Variants in MLLT3 observed in about 807,000 individuals in gnomAD.
MLLT3 encodes the protein MLLT3 super elongation complex subunit.
Under a neutral mutation model 53.2 loss-of-function variants are expected in MLLT3, and 4 were observed. The observed-to-expected ratio is 0.08, with a 90% confidence interval of 0.04 to 0.17. The LOEUF (loss-of-function observed/expected upper bound fraction) is 0.17. Ranked by LOEUF, MLLT3 falls within the 10% of genes least tolerant of loss-of-function variation. The probability of loss-of-function intolerance (pLI) is 1.00; values close to 1 mark genes in which losing one functional copy is unlikely to be tolerated. For missense variants in MLLT3, 569 were observed against 684.0 expected (o/e 0.83, Z 1.87); for synonymous variants, 283 against 230.6 (o/e 1.23, Z -2.06).
chr9:20,423,715 A>G (rs1040529984), intron 4 of MLLT3, among the ~76,000 whole-genome samples: 1 of 151,746 alleles, frequency 6.6e-6, no homozygotes, highest in Non-Finnish European at 1.5e-5. Flanking sequence ...TCAGGAGGCT[A>G]AGGCGGGTGG....
chr9:20,394,616 G>C (rs1353324308), intron 5 of MLLT3, among the ~76,000 whole-genome samples: 1 of 152,092 alleles, frequency 6.6e-6, no homozygotes, highest in Admixed American at 6.6e-5. Flanking sequence ...GATCTACTCA[G>C]AATATGGAAC....
intron 2 of MLLT3, among the ~76,000 whole-genome samples, chr9:20,522,887 AG>A (rs1563799963): frequency 6.6e-6 from 1 of 152,092 alleles, no homozygotes; most frequent in African/African-American, 2.4e-5. Context: ...TCTGAGCTAA[AG>A]GAAGTCGAGG....
chr9:20,365,097 T>C (rs1821416988), intron 6 of MLLT3, among the ~76,000 whole-genome samples: 1 of 152,238 alleles, frequency 6.6e-6, no homozygotes, highest in African/African-American at 2.4e-5. Context: ...CTTTTGCTAT[T>C]GTATTTCCTT....
At chr9:20,523,450 C>A (rs1001110520) in intron 2 of MLLT3, among the ~76,000 whole-genome samples, 2 of 152,222 alleles carry the variant, frequency 1.3e-5, no homozygotes, top group Non-Finnish European at 2.9e-5. Flanking sequence ...TTCATAGTTG[C>A]CAAAACTTGA....
At chr9:20,459,728 T>TC (rs1491363133) in intron 2 of MLLT3, among the ~76,000 whole-genome samples, 2 of 152,160 alleles carry the variant, frequency 1.3e-5, no homozygotes, top group African/African-American at 2.4e-5. Flanking sequence ...GATTTTTTTT[T>TC]CCCCACCCTT....
At chr9:20,393,068 T>C (rs1439049205) in intron 5 of MLLT3, among the ~76,000 whole-genome samples, 10 of 152,078 alleles carry the variant, frequency 6.6e-5, no homozygotes, top group South Asian at 2.1e-4. Context: ...GGCAGGAGAA[T>C]TGATTGAACC....
intron 4 of MLLT3, among the ~76,000 whole-genome samples, chr9:20,432,275 T>C (rs1246118400): frequency 1.3e-5 from 2 of 152,204 alleles, no homozygotes; most frequent in African/African-American, 4.8e-5. Context: ...AATGCTTGAA[T>C]AATTTTATAA....
At chr9:20,578,608 G>C (rs1819713588) in intron 2 of MLLT3, among the ~76,000 whole-genome samples, 1 of 152,024 alleles carries the variant, frequency 6.6e-6, no homozygotes, top group African/African-American at 2.4e-5. Flanking sequence ...GCAACCACCA[G>C]GCATACGCAA....
intron 5 of MLLT3, among the ~76,000 whole-genome samples, chr9:20,375,749 C>A (rs1821749594): frequency 6.6e-6 from 1 of 151,916 alleles, no homozygotes; most frequent in Admixed American, 6.6e-5. Flanking sequence ...GCTGGGACCA[C>A]AGGCACCTGC....
chr9:20,404,650 G>T (rs767076729), intron 5 of MLLT3, among the ~76,000 whole-genome samples: 1 of 152,108 alleles, frequency 6.6e-6, no homozygotes, highest in Non-Finnish European at 1.5e-5. Context: ...GAGTACAGGC[G>T]TGCACTACCA....
Position 20,542,472 on chromosome 9 carries a change from G to A in MLLT3, c.193+78182C>T, listed in dbSNP as rs566912355. The stretch of plus-strand genomic sequence containing the variant: ...TCACCTTGTTAGCCAGGATGGTCTC[G>A]ATCTCCTGACCTCATGATCCACCCG... On this transcript the variant is annotated intron_variant, in intron 2 of 10. Transcript: ENST00000380338. Among the ~76,000 whole-genome samples the A allele has an allele frequency of 2.6e-4, 40 of 152,136 alleles. 1 individual carries two copies. The highest frequency in any genetic ancestry group is 8.2e-4 in the African/African-American group (34 of 41,512).
intron 2 of MLLT3, among the ~76,000 whole-genome samples, chr9:20,493,825 G>A (rs1294643643): frequency 6.6e-6 from 1 of 151,960 alleles, no homozygotes; most frequent in African/African-American, 2.4e-5. Flanking sequence ...TCTGCAAATG[G>A]TACACAATAG....
At chr9:20,509,142 A>C (rs1213407353) in intron 2 of MLLT3, among the ~76,000 whole-genome samples, 1 of 152,186 alleles carries the variant, frequency 6.6e-6, no homozygotes, top group African/African-American at 2.4e-5. Flanking sequence ...TGAAGATCTA[A>C]TGAACTCCAG....
At chr9:20,406,842 C>G (rs902834307) in intron 5 of MLLT3, among the ~76,000 whole-genome samples, 3 of 152,174 alleles carry the variant, frequency 2.0e-5, no homozygotes, top group Admixed American at 2.0e-4. Context: ...TCCATATTAT[C>G]CTGCTTAATA....
intron 2 of MLLT3, among the ~76,000 whole-genome samples, chr9:20,615,110 G>A (rs778159187): frequency 1.3e-5 from 2 of 152,004 alleles, no homozygotes; most frequent in Non-Finnish European, 2.9e-5. Context: ...TTGGGAGATC[G>A]AGGCTGGTGG....
At chr9:20,481,468 C>A (rs1199094868) in intron 2 of MLLT3, among the ~76,000 whole-genome samples, 1 of 152,140 alleles carries the variant, frequency 6.6e-6, no homozygotes, top group Admixed American at 6.5e-5. Flanking sequence ...TCCCACACCC[C>A]AACATAAGGA....
chr9:20,414,149 A>C lies in MLLT3; in HGVS notation c.697T>G (p.Ser233Ala). The stretch of plus-strand genomic sequence containing the variant: ...GGTTTATTTTCTTTGGGTTTCTTAG[A>C]GGATTCTTTGGAAGATTTGTTGTGA... ...RDHNKSSKES[S>A]KKPKENKPLK... is the part of the protein sequence containing the mutation. The change falls in exon 5 of 11, where the codon TCT (serine) becomes GCT (alanine). Residue 233 changes from serine (S) to alanine (A), a missense_variant. Physicochemically the swap from Ser to Ala is moderately conservative, Grantham distance 99. This residue lies in a region of MLLT3 where 437 missense variants were observed against 376.5 expected (regional missense o/e 1.16). Coordinates refer to ENST00000380338, the MANE Select transcript of MLLT3 (RefSeq NM_004529.4). The C allele has an allele frequency of 6.2e-7, 1 of 1,614,106 alleles. No individual in the cohort carries two copies. Among genetic ancestry groups the C allele is most frequent in the Non-Finnish European group, 8.5e-7 (1 of 1,180,006 alleles).
intron 2 of MLLT3, among the ~76,000 whole-genome samples, chr9:20,485,673 A>T (rs983427834): frequency 1.8e-4 from 27 of 152,308 alleles, no homozygotes; most frequent in African/African-American, 5.8e-4. Context: ...AAGTTTTTTT[A>T]AAAAATCACT....
At chr9:20,451,118 G>A (rs574462590) in intron 3 of MLLT3, among the ~76,000 whole-genome samples, 2 of 152,098 alleles carry the variant, frequency 1.3e-5, no homozygotes, top group South Asian at 4.1e-4. Context: ...TACTGACTTT[G>A]AAAGGCATAT....
Sources: allele counts gnomAD v4.1 joint callset (sites outside exome capture counted in the v4.1 genomes callset), GRCh38; gene constraint gnomAD v4.1.1; regional missense constraint gnomAD v4.1.1; transcripts MANE v1.5; gene names NCBI Gene and HGNC (gene_info 2026-07-23, HGNC 2026-07-21).